GPHN: variants seen among roughly 807,000 people sequenced by gnomAD.
The protein encoded by GPHN is gephyrin.
In GPHN, 17 loss-of-function variants were observed where a neutral mutation model predicts 95.5. That is an observed-to-expected ratio of 0.18 (90% CI 0.12 to 0.27). GPHN has a LOEUF of 0.27. Ranked by LOEUF, GPHN falls within the 10% of genes least tolerant of loss-of-function variation. The pLI is 1.00. For synonymous variants in GPHN, 320 were observed against 322.5 expected, an observed-to-expected ratio of 0.99 and a Z score of 0.08; for missense variants, 660 against 978.1, an observed-to-expected ratio of 0.67 and a Z score of 4.34.
intron 17 of GPHN, among the ~76,000 whole-genome samples, chr14:67,129,733 G>GAT (rs2079563061): frequency 6.6e-6 from 1 of 150,408 alleles, no homozygotes; most frequent in Non-Finnish European, 1.5e-5. Flanking sequence ...CCCAATAGAT[G>GAT]ATAGGTTGGC....
chr14:67,174,797 T>C (rs954097722), intron 21 of GPHN, among the ~76,000 whole-genome samples: 6 of 152,236 alleles, frequency 3.9e-5, no homozygotes, highest in Admixed American at 3.9e-4. Flanking sequence ...TGATATCTCA[T>C]TGTGGTTTTG....
At chr14:67,158,271 G>T (rs969970789) in intron 18 of GPHN, among the ~76,000 whole-genome samples, 6 of 143,976 alleles carry the variant, frequency 4.2e-5, no homozygotes, top group African/African-American at 1.6e-4. Flanking sequence ...CGCACCGTTG[G>T]ACTCCAGCCT....
chr14:67,562,633 G>T, the GPHN span: 1 of 1,613,004 alleles, frequency 6.2e-7, no homozygotes, highest in Non-Finnish European at 8.5e-7. Flanking sequence ...ACCACAGCCA[G>T]CCCCAGGTGG....
chr14:67,165,648 C>G (rs747857515), intron 20 of GPHN, among the ~76,000 whole-genome samples: 7 of 152,074 alleles, frequency 4.6e-5, no homozygotes, highest in Non-Finnish European at 8.8e-5. Flanking sequence ...CAAGCAAATA[C>G]CAAATCAAAA....
At chr14:67,363,547 C>T in the GPHN span, among the ~76,000 whole-genome samples, 1 of 152,070 alleles carries the variant, frequency 6.6e-6, no homozygotes, top group Non-Finnish European at 1.5e-5. Context: ...GACTCTGGAT[C>T]CAGACTTCAT....
At chr14:66,550,861 T>A (rs1313819933) in intron 1 of GPHN, among the ~76,000 whole-genome samples, 1 of 151,898 alleles carries the variant, frequency 6.6e-6, no homozygotes, top group Non-Finnish European at 1.5e-5. Context: ...TTTTTGTTGT[T>A]GTTGTTTTTT....
intron 4 of GPHN, among the ~76,000 whole-genome samples, chr14:66,846,400 G>C (rs1054977722): frequency 2.6e-5 from 4 of 152,092 alleles, no homozygotes; most frequent in Non-Finnish European, 5.9e-5. Flanking sequence ...GACATAAAAC[G>C]TGGCTCTTAA....
chr14:66,739,321 A>G (rs1266286902), intron 2 of GPHN, among the ~76,000 whole-genome samples: 1 of 147,152 alleles, frequency 6.8e-6, no homozygotes, highest in Non-Finnish European at 1.5e-5. Flanking sequence ...GGTTCATGCC[A>G]TTCTCCTGCC....
the GPHN span, chr14:67,241,283 C>A: frequency 6.6e-6 from 1 of 152,364 alleles, no homozygotes; most frequent in Non-Finnish European, 1.5e-5. Context: ...GGGGCGCGTG[C>A]GCGGTCTCGC....
intron 17 of GPHN, among the ~76,000 whole-genome samples, chr14:67,134,614 A>G (rs1360279597): frequency 6.6e-6 from 1 of 152,218 alleles, no homozygotes; most frequent in Admixed American, 6.5e-5. Context: ...TGGGACAATC[A>G]GGAAGTCTGG....
chr14:66,841,936 C>T (rs955040175), intron 4 of GPHN, among the ~76,000 whole-genome samples: 2 of 151,894 alleles, frequency 1.3e-5, no homozygotes, highest in Non-Finnish European at 2.9e-5. Flanking sequence ...GCCTGTAATC[C>T]CAGCTACTCG....
At chr14:66,575,520 A>G (rs1429599647) in intron 1 of GPHN, among the ~76,000 whole-genome samples, 2 of 152,228 alleles carry the variant, frequency 1.3e-5, no homozygotes, top group Admixed American at 6.5e-5. Context: ...GAAGCTCTTT[A>G]CCAGTCAGCC....
At chr14:66,872,802 G>A (rs1399511998) in intron 4 of GPHN, among the ~76,000 whole-genome samples, 1 of 151,776 alleles carries the variant, frequency 6.6e-6, no homozygotes, top group Non-Finnish European at 1.5e-5. Flanking sequence ...GGCTGAGGTA[G>A]GAGAAACACT....
At chr14:66,865,094 GGATGATTACCAGCTGA>G (rs1183296547) in intron 4 of GPHN, among the ~76,000 whole-genome samples, 2 of 152,072 alleles carry the variant, frequency 1.3e-5, no homozygotes, top group Non-Finnish European at 2.9e-5. Context: ...TATAGTAGAA[GGATGATTACCAGCTGA>G]GGATGGTAGT....
chr14:67,667,632 C>T, the GPHN span, among the ~76,000 whole-genome samples: 37 of 152,262 alleles, frequency 2.4e-4, no homozygotes, highest in African/African-American at 7.9e-4. Flanking sequence ...AGAGCAAAAA[C>T]CAAATTCAGT....
the GPHN span, chr14:67,364,639 T>C: frequency 1.1e-6 from 1 of 923,030 alleles, no homozygotes; most frequent in Non-Finnish European, 1.6e-6. Context: ...TTTCAAAGGA[T>C]GAGAAGACTA....
chr14:66,780,501 T>C (rs2153463441), intron 3 of GPHN, among the ~76,000 whole-genome samples: 1 of 152,160 alleles, frequency 6.6e-6, no homozygotes, highest in South Asian at 2.1e-4. Flanking sequence ...TAAATAGTGA[T>C]TTTTTTCCTA....
chr14:66,824,654 A>G, intron 4 of GPHN, 88 bp downstream of exon 4: 1 of 679,076 alleles, frequency 1.5e-6, no homozygotes, highest in Non-Finnish European at 2.6e-6. Flanking sequence ...TTATTTTTAT[A>G]ACTTTGCTAG....
chr14:66,717,442 T>C (rs954854351), intron 2 of GPHN, among the ~76,000 whole-genome samples: 15 of 152,344 alleles, frequency 9.8e-5, no homozygotes, highest in Non-Finnish European at 1.9e-4. Flanking sequence ...GGGCTTCGCC[T>C]TTCTCTGGTG....
Sources: gnomAD v4.1 joint callset for allele counts (sites outside exome capture counted in the v4.1 genomes callset) on GRCh38, gnomAD v4.1.1 for gene constraint, MANE v1.5 for transcripts, NCBI Gene and HGNC (gene_info 2026-07-23, HGNC 2026-07-21) for gene names.